TALDO1: variants seen among roughly 807,000 people sequenced by gnomAD.
The protein encoded by TALDO1 is transaldolase.
TALDO1 carries 29 observed loss-of-function variants against 38.1 expected under a neutral mutation model. The ratio of observed to expected loss-of-function variants is 0.76; its 90% confidence interval spans 0.57 to 1.04. The LOEUF (loss-of-function observed/expected upper bound fraction) is 1.04, where lower values mean the gene tolerates loss of function less well. Ranked by LOEUF, TALDO1 falls within the 50% of genes least tolerant of loss-of-function variation. The pLI is 0.00. For missense variants in TALDO1, 499 were observed against 438.1 expected, an observed-to-expected ratio of 1.14 and a Z score of -1.24; for synonymous variants, 207 against 176.8, an observed-to-expected ratio of 1.17 and a Z score of -1.36.
rs1862986451 is a variant in TALDO1, at chr11:763,360, C to T, written c.478C>T (p.His160Tyr). The change falls in exon 5 of 8, where the codon CAC (histidine) becomes TAC (tyrosine). Residue 160 changes from histidine (H) to tyrosine (Y), a missense_variant. Coordinates refer to ENST00000319006, the MANE Select transcript of TALDO1 (RefSeq NM_006755.2). ...IQAGKELEEQ[H>Y]GIHCNMTLLF... ...GCCCCGCAGGGAGCTCGAGGAGCAG[C>T]ACGGCATCCACTGCAACATGACGTT... is the stretch of plus-strand genomic sequence containing the variant. The T allele has an allele frequency of 4.4e-6, 7 of 1,606,808 alleles. No individual in the cohort carries two copies. Among genetic ancestry groups the T allele is most frequent in the Non-Finnish European group, 5.9e-6 (7 of 1,176,712 alleles).
At chr11:751,382 G>A (rs182998065) in intron 1 of TALDO1, among the ~76,000 whole-genome samples, 1 of 152,164 alleles carries the variant, frequency 6.6e-6, no homozygotes, top group Non-Finnish European at 1.5e-5. Flanking sequence ...ACAAGAGAAA[G>A]TTGGGGCCAG....
intron 6 of TALDO1, 40 bp downstream of exon 6, chr11:763,984 A>C (rs979440433): frequency 6.3e-7 from 1 of 1,596,844 alleles, no homozygotes; most frequent in Non-Finnish European, 8.5e-7. Context: ...TGCTCGGGCA[A>C]GGCCAGCACT....
intron 1 of TALDO1, among the ~76,000 whole-genome samples, chr11:753,131 C>T (rs1015313316): frequency 1.1e-4 from 17 of 152,188 alleles, no homozygotes; most frequent in South Asian, 6.2e-4. Context: ...CAGTGGCTCA[C>T]GTCTGTAATC....
At chr11:758,135 T>G (rs1323865619) in intron 2 of TALDO1, among the ~76,000 whole-genome samples, 4 of 152,146 alleles carry the variant, frequency 2.6e-5, no homozygotes, top group Non-Finnish European at 5.9e-5. Context: ...TACAAAAAAA[T>G]TAGCCGGGCA....
intron 1 of TALDO1, chr11:752,154 C>T (rs899495343): frequency 1.3e-5 from 2 of 152,062 alleles, no homozygotes; most frequent in African/African-American, 4.8e-5. Flanking sequence ...ACTGCAAGCT[C>T]CACCTTCCGG....
chr11:763,635 CGG>C, intron 5 of TALDO1, 110 bp from the exon 6 acceptor site: 1 of 1,568,024 alleles, frequency 6.4e-7, no homozygotes, highest in Non-Finnish European at 8.8e-7. Flanking sequence ...CAGGTCGGCG[CGG>C]GGCAGGCAGG....
rs1279835752 is a variant in TALDO1 at position 760,364 on chromosome 11, T to A, written c.461+111T>A. 22 of 1,527,254 alleles carry A rather than the reference T, an allele frequency of 1.4e-5. No individual in the cohort carries two copies. The Admixed American group carries it at 3.5e-4, about 24-fold the overall frequency. 94.6% of individuals were successfully genotyped at this position (1,527,254 alleles called of 1,614,324 possible). Reference sequence around the variant, plus strand: ...CTCTCAGCCCTGGGGAATGCCAGACTGGGGAGCACAGCCCACAGCTTGGAC... The same window carrying A: ...CTCTCAGCCCTGGGGAATGCCAGACAGGGGAGCACAGCCCACAGCTTGGAC... On this transcript the variant is annotated intron_variant, in intron 4 of 7. Transcript: ENST00000319006.
intron 4 of TALDO1, among the ~76,000 whole-genome samples, chr11:761,979 TG>T (rs1269220062): frequency 1.3e-5 from 2 of 151,808 alleles, no homozygotes; most frequent in Non-Finnish European, 2.9e-5. Flanking sequence ...TGTTTTTTTT[TG>T]TTTTTGAGAC....
intron 1 of TALDO1, among the ~76,000 whole-genome samples, chr11:753,219 C>T (rs970374115): frequency 6.6e-6 from 1 of 151,816 alleles, no homozygotes; most frequent in Non-Finnish European, 1.5e-5. Flanking sequence ...CATGGCAAAA[C>T]CCCGTCTCTA....
At chr11:747,843 CGGGGGCAGCCGTGAGGAGCT>C (rs938483317) in intron 1 of TALDO1, among the ~76,000 whole-genome samples, 2 of 152,078 alleles carry the variant, frequency 1.3e-5, no homozygotes, top group Non-Finnish European at 2.9e-5. Context: ...GGAGCAGGGC[CGGGGGCAGCCGTGAGGAGCT>C]GGGGTCAGCC....
intron 4 of TALDO1, among the ~76,000 whole-genome samples, chr11:761,335 CAAAAAAAAAAAA>C (rs71022968): frequency 1.2e-5 from 1 of 82,076 alleles, no homozygotes; most frequent in Admixed American, 1.5e-4. Context: ...GACTCCATCT[CAAAAAAAAAAAA>C]AAAAAAGAAA....
intron 2 of TALDO1, among the ~76,000 whole-genome samples, chr11:757,324 GCT>G (rs968423434): frequency 2.0e-5 from 3 of 146,968 alleles, no homozygotes; most frequent in African/African-American, 7.7e-5. Flanking sequence ...ATAGAGTTTG[GCT>G]CTGTCACCTA....
chr11:752,652 T>C (rs1240017538), intron 1 of TALDO1, among the ~76,000 whole-genome samples: 2 of 152,142 alleles, frequency 1.3e-5, no homozygotes, highest in African/African-American at 4.8e-5. Context: ...TGAAGGGTGG[T>C]GCACCCAGGG....
chr11:762,567 T>C (rs932750239), intron 4 of TALDO1, among the ~76,000 whole-genome samples: 3 of 152,242 alleles, frequency 2.0e-5, no homozygotes, highest in Non-Finnish European at 4.4e-5. Flanking sequence ...GCAGGCTGTT[T>C]CCCAACTCAG....
intron 4 of TALDO1, among the ~76,000 whole-genome samples, chr11:761,297 T>C (rs917833481): frequency 3.3e-5 from 5 of 149,404 alleles, no homozygotes; most frequent in East Asian, 2.0e-4. Context: ...GATTGCACCA[T>C]TGTACTCCAG....
At chr11:761,949 G>T (rs575662184) in intron 4 of TALDO1, among the ~76,000 whole-genome samples, 74 of 152,166 alleles carry the variant, frequency 4.9e-4, no homozygotes, top group Non-Finnish European at 8.4e-4. Context: ...ATTGTGCCTG[G>T]CCTCATTTGT....
At chr11:754,245 A>G (rs1862796799) in intron 1 of TALDO1, among the ~76,000 whole-genome samples, 2 of 152,120 alleles carry the variant, frequency 1.3e-5, no homozygotes, top group South Asian at 2.1e-4. Context: ...TTGGCCTCCC[A>G]AAGTGCTGGG....
At chr11:763,124 T>A (rs1862968170) in intron 4 of TALDO1, among the ~76,000 whole-genome samples, 1 of 152,206 alleles carries the variant, frequency 6.6e-6, no homozygotes, top group South Asian at 2.1e-4. Flanking sequence ...GCCTTTTTAG[T>A]TTAAGGCCCG....
chr11:763,539 A>G lies in TALDO1; in HGVS notation c.637+20A>G, dbSNP rs1416990755. 3 of 1,613,002 alleles carry G rather than the reference A, an allele frequency of 1.9e-6. No individual in the cohort carries two copies. The South Asian group carries it at 3.3e-5, about 18-fold the overall frequency. On this transcript the variant is annotated intron_variant, in intron 5 of 7. Transcript: ENST00000319006. ...ACCCTGGTGAGGGTCCCTCTGTGGT[A>G]ATGGGGTAAGGGGAGCAGCCTCAGC...
Sources: gnomAD v4.1 joint callset for allele counts (sites outside exome capture counted in the v4.1 genomes callset) on GRCh38, gnomAD v4.1.1 for gene constraint, MANE v1.5 for transcripts, NCBI Gene and HGNC (gene_info 2026-07-23, HGNC 2026-07-21) for gene names.